Variants in CERS6 observed in about 807,000 individuals in gnomAD.
The protein encoded by CERS6 is ceramide synthase 6.
Under a neutral mutation model 56.8 loss-of-function variants are expected in CERS6, and 26 were observed. That is an observed-to-expected ratio of 0.46 (90% confidence interval 0.34 to 0.63). The LOEUF (loss-of-function observed/expected upper bound fraction) is 0.63. Among genes scored for constraint, CERS6 ranks in the 30% least tolerant of loss-of-function variants. CERS6 has a pLI of 0.01. For missense variants in CERS6, 415 were observed against 467.5 expected (o/e 0.89, Z 1.04); for synonymous variants, 164 against 173.3 (o/e 0.95, Z 0.42).
chr2:168,592,623 G>C (rs972521927), intron 3 of CERS6, among the ~76,000 whole-genome samples: 4 of 152,118 alleles, frequency 2.6e-5, no homozygotes, highest in Non-Finnish European at 5.9e-5. Flanking sequence ...GCAATTTCAG[G>C]AACAGTGGAA....
chr2:168,531,107 C>T (rs1413088177), intron 1 of CERS6, among the ~76,000 whole-genome samples: 3 of 151,986 alleles, frequency 2.0e-5, no homozygotes, highest in Admixed American at 6.6e-5. Context: ...AGGATTCAGG[C>T]TGTTTATTCT....
chr2:168,589,891 A>C (rs1355168441), intron 3 of CERS6, among the ~76,000 whole-genome samples: 1 of 152,234 alleles, frequency 6.6e-6, no homozygotes, highest in Non-Finnish European at 1.5e-5. Flanking sequence ...AAATTCCAAG[A>C]AATGGTATTT....
At position 168,674,282 on chromosome 2, in the gene CERS6, A is replaced by G. The variant is rs149692025; in HGVS notation, c.466-16752A>G. ...ACTCAACATAAATTCATTTTTAAAA[A>G]TAGATGACTTGTGAAAATCCTGAAG... On this transcript the variant is annotated intron_variant, in intron 4 of 9. Coordinates refer to ENST00000305747, the MANE Select transcript of CERS6 (RefSeq NM_203463.3). Among the ~76,000 whole-genome samples the G allele has an allele frequency of 2.0e-3, 298 of 152,346 alleles. 2 individuals are homozygous for G. Among genetic ancestry groups the G allele is most frequent in the African/African-American group, 6.7e-3 (280 of 41,572 alleles).
chr2:168,724,678 G>A (rs1251759750), intron 8 of CERS6, among the ~76,000 whole-genome samples: 1 of 151,534 alleles, frequency 6.6e-6, no homozygotes, highest in Non-Finnish European at 1.5e-5. Context: ...GTGTCGATTG[G>A]TGCATTCACA....
chr2:168,624,366 A>G lies in CERS6; in HGVS notation c.408-6619A>G, dbSNP rs142209569. Among the ~76,000 whole-genome samples the G allele has an allele frequency of 6.7e-3, 1,018 of 152,288 alleles. 16 individuals are homozygous for G. The highest frequency in any genetic ancestry group is 0.023 in the African/African-American group (945 of 41,568). On this transcript the variant is annotated intron_variant, in intron 3 of 9. Transcript: ENST00000305747. ...TTTTTAATATTTAGTAGTAAAAACC[A>G]TGATCTCTGGAGTCAAATTGCTTGG...
chr2:168,582,997 A>C (rs1326957265), intron 3 of CERS6: 1 of 154,044 alleles, frequency 6.5e-6, no homozygotes, highest in East Asian at 1.9e-4. Flanking sequence ...CAATTGCCTA[A>C]CATGTGCCAG....
At chr2:168,638,050 A>G (rs1392313009) in intron 4 of CERS6, among the ~76,000 whole-genome samples, 1 of 142,042 alleles carries the variant, frequency 7.0e-6, no homozygotes, top group East Asian at 2.0e-4. Flanking sequence ...GAAGAAATAG[A>G]AATGTTTGGT....
intron 3 of CERS6, among the ~76,000 whole-genome samples, chr2:168,561,670 G>C (rs947897746): frequency 3.3e-5 from 5 of 152,142 alleles, no homozygotes; most frequent in African/African-American, 7.2e-5. Flanking sequence ...AGGCAACTTA[G>C]GTTCTTCCTA....
At chr2:168,563,891 CGGG>C (rs5836190) in intron 3 of CERS6, among the ~76,000 whole-genome samples, 2 of 152,046 alleles carry the variant, frequency 1.3e-5, no homozygotes, top group African/African-American at 4.8e-5. Flanking sequence ...TTGGGGTGCA[CGGG>C]GGGTTTGCTG....
intron 1 of CERS6, among the ~76,000 whole-genome samples, chr2:168,482,711 A>G (rs923750213): frequency 1.3e-5 from 2 of 152,226 alleles, no homozygotes; most frequent in African/African-American, 4.8e-5. Flanking sequence ...AGCTGAAGGC[A>G]GTTTTTCAGT....
At chr2:168,536,272 A>G (rs1574049856) in intron 1 of CERS6, among the ~76,000 whole-genome samples, 1 of 152,332 alleles carries the variant, frequency 6.6e-6, no homozygotes, top group South Asian at 2.1e-4. Flanking sequence ...ACTGTCAGAA[A>G]GGGCCCAGTG....
At chr2:168,584,392 C>T (rs956571853) in intron 3 of CERS6, among the ~76,000 whole-genome samples, 1 of 152,140 alleles carries the variant, frequency 6.6e-6, no homozygotes, top group Admixed American at 6.5e-5. Flanking sequence ...AGAAAAACTT[C>T]ACAGTGGAAT....
At chr2:168,534,266 G>A (rs1695218501) in intron 1 of CERS6, among the ~76,000 whole-genome samples, 1 of 152,118 alleles carries the variant, frequency 6.6e-6, no homozygotes, top group African/African-American at 2.4e-5. Context: ...CCTTGCTGGG[G>A]CGACGTTGCG....
rs397870530 is a variant in CERS6, at chr2:168,752,279, ATGTGTG to A, written c.846-13279_846-13274del. On this transcript the variant is annotated intron_variant, in intron 8 of 9. Coordinates refer to ENST00000305747, the MANE Select transcript of CERS6 (RefSeq NM_203463.3). ...CAGACCCCATCTTTTAAAAAAATAA[ATGTGTG>A]TGTGTGTGTGTGTGTGTGTGTGTGT... Among the ~76,000 whole-genome samples, 77 of 132,630 alleles carry A rather than the reference ATGTGTG, an allele frequency of 5.8e-4. No homozygotes were observed. In the Middle Eastern group the frequency reaches 0.02, roughly 35 times the overall value. 87.0% of individuals were successfully genotyped at this position (132,630 alleles called of 152,430 possible). A position where few individuals can be genotyped will look rare whatever the true frequency, so the allele number is the denominator to read the frequency against.
intron 3 of CERS6, among the ~76,000 whole-genome samples, chr2:168,608,151 G>A (rs755195119): frequency 2.6e-5 from 4 of 152,204 alleles, no homozygotes; most frequent in Non-Finnish European, 5.9e-5. Context: ...CCAATATGTG[G>A]TATTTGTGGC....
rs546930577 is a variant in CERS6 at position 168,774,642 on chromosome 2, CAAAAA to C, written c.*4988_*4992del. Reference sequence around the variant, plus strand: ...ACCCTTAGGAAAATAAGATTACCTGCAAAAAAAAAAAAGAAATGAGTTATGGAATA... The same window carrying C: ...ACCCTTAGGAAAATAAGATTACCTGCAAAAAAAGAAATGAGTTATGGAATA... On this transcript the variant is annotated 3_prime_UTR_variant, in exon 10 of 10. Coordinates refer to ENST00000305747, the MANE Select transcript of CERS6 (RefSeq NM_203463.3). 7.5e-6 allele frequency: 1 copy of C among 133,532 alleles called. No individual in the cohort carries two copies. Among genetic ancestry groups the C allele is most frequent in the African/African-American group, 2.7e-5 (1 of 36,848 alleles). 8.3% of individuals were successfully genotyped at this position (133,532 alleles called of 1,614,324 possible).
chr2:168,579,350 T>A (rs936665168), intron 3 of CERS6, among the ~76,000 whole-genome samples: 5 of 152,104 alleles, frequency 3.3e-5, no homozygotes, highest in Non-Finnish European at 7.4e-5. Context: ...GTAATGTATT[T>A]AATATGGGTT....
chr2:168,729,419 T>C (rs1008735531), intron 8 of CERS6, among the ~76,000 whole-genome samples: 3 of 152,198 alleles, frequency 2.0e-5, no homozygotes, highest in African/African-American at 7.2e-5. Context: ...CATCCTCACT[T>C]CCCATCACCT....
chr2:168,575,141 G>A (rs931669048), intron 3 of CERS6, among the ~76,000 whole-genome samples: 13 of 152,100 alleles, frequency 8.5e-5, no homozygotes, highest in Non-Finnish European at 1.9e-4. Flanking sequence ...CCTCAGCCTC[G>A]ATTTCTTGAA....
Sources: allele counts gnomAD v4.1 joint callset (sites outside exome capture counted in the v4.1 genomes callset), GRCh38; gene constraint gnomAD v4.1.1; transcripts MANE v1.5; gene names NCBI Gene and HGNC (gene_info 2026-07-23, HGNC 2026-07-21).